The following RASSF6 variants were observed in gnomAD, a reference collection of about 807,000 sequenced individuals.
RASSF6 encodes the protein Ras association domain family member 6.
In RASSF6, 52 loss-of-function variants were observed where a neutral mutation model predicts 44.0. That is an observed-to-expected ratio of 1.18 (90% CI 0.95 to 1.49). RASSF6 has a LOEUF of 1.49. Among genes scored for constraint, RASSF6 ranks in the 40% most tolerant of loss-of-function variants. RASSF6 has a pLI of 0.00. For missense variants in RASSF6, 464 were observed against 393.3 expected, an observed-to-expected ratio of 1.18 and a Z score of -1.52; for synonymous variants, 162 against 124.6, an observed-to-expected ratio of 1.30 and a Z score of -2.00.
chr4:73,575,949 C>A lies in RASSF6; in HGVS notation c.*286G>T. The A allele has an allele frequency of 4.3e-6, 1 of 233,182 alleles. No homozygotes were observed. The allele number at this position is 233,182 out of a possible 1,614,324, so 14.4% of individuals were successfully genotyped here. The stretch of plus-strand genomic sequence containing the variant: ...GTTTAAACTGCTTATCTGAAGACAC[C>A]ATTTAAATTTGAGTTCATTACATGG... On this transcript the variant is annotated 3_prime_UTR_variant, in exon 11 of 11. Coordinates refer to ENST00000307439, the MANE Select transcript of RASSF6 (RefSeq NM_177532.5).
At chr4:73,600,335 T>C (rs1725198740) in intron 2 of RASSF6, among the ~76,000 whole-genome samples, 1 of 151,626 alleles carries the variant, frequency 6.6e-6, no homozygotes. Context: ...ATTCATTGCC[T>C]AAACAACAAT....
At chr4:73,593,800 AAAGT>A in intron 3 of RASSF6, among the ~76,000 whole-genome samples, 1 of 152,390 alleles carries the variant, frequency 6.6e-6, no homozygotes, top group South Asian at 2.1e-4. Flanking sequence ...TATACCCAGC[AAAGT>A]GAGTAAATCA....
Position 73,620,214 on chromosome 4 carries a change from T to G in RASSF6, c.-35+74A>C, listed in dbSNP as rs987083050. The G allele has an allele frequency of 6.6e-5, 65 of 988,074 alleles. 2 individuals carry two copies. Among genetic ancestry groups the G allele is most frequent in the Middle Eastern group, 3.2e-4 (1 of 3,114 alleles). The allele number at this position is 988,074 out of a possible 1,614,324, so 61.2% of individuals were successfully genotyped here. The stretch of plus-strand genomic sequence containing the variant: ...TAACTTTGTTGCCTATGGATTCTGC[T>G]TTCTAATAACTTGCCCTCAACATGA... On this transcript the variant is annotated intron_variant, in intron 1 of 10. Coordinates refer to ENST00000307439, the MANE Select transcript of RASSF6 (RefSeq NM_177532.5).
At chr4:73,589,691 C>T (rs1724377565) in intron 4 of RASSF6, among the ~76,000 whole-genome samples, 1 of 151,890 alleles carries the variant, frequency 6.6e-6, no homozygotes, top group Admixed American at 6.6e-5. Context: ...AGCTTCAGGG[C>T]AGTTATCCAG....
chr4:73,582,418 TTTG>T, intron 6 of RASSF6, 128 bp from the exon 7 acceptor site: 1 of 251,854 alleles, frequency 4.0e-6, no homozygotes, highest in Non-Finnish European at 7.1e-6. Context: ...TTGTTTTGTT[TTTG>T]TTTGTTTTTC....
chr4:73,576,859 A>T (rs1255958134), intron 8 of RASSF6, 128 bp from the exon 9 acceptor site: 3 of 640,658 alleles, frequency 4.7e-6, no homozygotes, highest in Non-Finnish European at 8.3e-6. Context: ...ACAGGAGGCA[A>T]TTACTCAAAA....
intron 2 of RASSF6, among the ~76,000 whole-genome samples, chr4:73,606,369 A>C (rs1174315168): frequency 6.6e-6 from 1 of 152,226 alleles, no homozygotes; most frequent in Non-Finnish European, 1.5e-5. Flanking sequence ...AACACCGGGT[A>C]CACATGGACA....
At chr4:73,582,718 T>C (rs940134036) in intron 6 of RASSF6, among the ~76,000 whole-genome samples, 3 of 151,978 alleles carry the variant, frequency 2.0e-5, no homozygotes, top group Non-Finnish European at 2.9e-5. Flanking sequence ...TCAGCAGATG[T>C]AGAGATGGGT....
At position 73,573,663 on chromosome 4, in the gene RASSF6, T is replaced by A. The variant is rs1723035927; in HGVS notation, c.*2572A>T. On this transcript the variant is annotated 3_prime_UTR_variant, in exon 11 of 11. Transcript: ENST00000307439. ...ACCAGAAGTTTGAGTCCCCATCTCA[T>A]GGTGATTTATTGAGTATTTAATGTT... 6.6e-6 allele frequency: 1 copy of A among 152,210 alleles called. No individual in the cohort carries two copies. The highest frequency in any genetic ancestry group is 2.1e-4 in the South Asian group (1 of 4,836). 9.4% of individuals were successfully genotyped at this position (152,210 alleles called of 1,614,324 possible). A position where few individuals can be genotyped will look rare whatever the true frequency, so the allele number is the denominator to read the frequency against.
intron 2 of RASSF6, among the ~76,000 whole-genome samples, chr4:73,602,017 A>G (rs1725308830): frequency 6.6e-6 from 1 of 152,208 alleles, no homozygotes. Flanking sequence ...TGAGAATTAA[A>G]CAGGAAAAGA....
chr4:73,585,315 T>C lies in RASSF6; in HGVS notation c.432A>G (p.Glu144=). 6.2e-7 allele frequency: 1 copy of C among 1,610,320 alleles called. No individual in the cohort carries two copies. Among genetic ancestry groups the C allele is most frequent in the Non-Finnish European group, 8.5e-7 (1 of 1,178,176 alleles). ...SNTLKPHAKD[E]PDSPVLYRTM... ...TTCTATAGAGCACTGGGGAGTCTGG[T>C]TCATCCTTTGCATGTGGCTTCAGGG... The change falls in exon 6 of 11, where the codon GAA becomes GAG. Residue 144 remains glutamate (E), a synonymous_variant. Coordinates refer to ENST00000307439, the MANE Select transcript of RASSF6 (RefSeq NM_177532.5).
chr4:73,594,938 T>C (rs1459860638), intron 3 of RASSF6, among the ~76,000 whole-genome samples: 2 of 152,228 alleles, frequency 1.3e-5, no homozygotes, highest in East Asian at 3.9e-4. Flanking sequence ...TTTAAAATGG[T>C]GTCTGGTACA....
At position 73,581,850 on chromosome 4, in the gene RASSF6, C is replaced by T. The variant is rs1004541335; in HGVS notation, c.688G>A (p.Asp230Asn). 2.0e-5 allele frequency: 32 copies of T among 1,609,878 alleles called. No homozygotes were observed. The highest frequency in any genetic ancestry group is 2.7e-5 in the Non-Finnish European group (32 of 1,176,880). Residue 230 changes from aspartate to asparagine, a missense_variant, in exon 8 of 11, where the codon GAT becomes AAT. Physicochemically the swap from Asp to Asn is conservative, Grantham distance 23 (BLOSUM62 1). Transcript: ENST00000307439. Reference sequence around the variant, plus strand: ...GCAAAAATAATGTGAAGAGCAAAATCCTGGGGACTATTTTCAATCTGTCAA... The same window carrying T: ...GCAAAAATAATGTGAAGAGCAAAATTCTGGGGACTATTTTCAATCTGTCAA... ...QKFKIENSPQ[D>N]FALHIIFATG...
chr4:73,585,283 C>T lies in RASSF6; in HGVS notation c.464G>A (p.Ser155Asn). ...CCTTTTTCTCACCAGAGCTGCTTCA[C>T]TCATGGTTCTATAGAGCACTGGGGA... ...PDSPVLYRTM[S>N]EAALVRKRMK... Residue 155 changes from serine (S) to asparagine (N), a missense_variant, in exon 6 of 11, where the codon AGT (serine) becomes AAT (asparagine). By Grantham distance (46) the Ser-to-Asn change is conservative. Coordinates refer to ENST00000307439, the MANE Select transcript of RASSF6 (RefSeq NM_177532.5). 1.9e-6 allele frequency: 3 copies of T among 1,612,826 alleles called. No homozygotes were observed. The highest frequency in any genetic ancestry group is 2.5e-6 in the Non-Finnish European group (3 of 1,179,144).
chr4:73,586,173 C>A (rs961675697), intron 5 of RASSF6, among the ~76,000 whole-genome samples: 2 of 151,504 alleles, frequency 1.3e-5, no homozygotes, highest in Non-Finnish European at 2.9e-5. Context: ...TTGGACTAGT[C>A]CTACTATTTG....
chr4:73,599,907 G>A (rs1725171806), intron 2 of RASSF6, among the ~76,000 whole-genome samples: 1 of 151,514 alleles, frequency 6.6e-6, no homozygotes, highest in Non-Finnish European at 1.5e-5. Flanking sequence ...CTCACTTCAT[G>A]CAACCACCAG....
intron 6 of RASSF6, 99 bp downstream of exon 6, chr4:73,585,081 A>G: frequency 1.3e-6 from 1 of 791,088 alleles, no homozygotes; most frequent in Admixed American, 2.7e-5. Flanking sequence ...TGCTACTGTT[A>G]TTATTATGAC....
rs1256145756 is a variant in RASSF6 at position 73,598,625 on chromosome 4, C to G, written c.144+15G>C. The G allele has an allele frequency of 9.7e-6, 14 of 1,437,884 alleles. No individual in the cohort carries two copies. The highest frequency in any genetic ancestry group is 1.3e-5 in the Non-Finnish European group (14 of 1,038,230). 89.1% of individuals were successfully genotyped at this position (1,437,884 alleles called of 1,614,324 possible). On this transcript the variant is annotated intron_variant, in intron 3 of 10. Transcript: ENST00000307439. ...GTGTGAATAACACCGGATTGCCTTT[C>G]TTCAGTGGGCTTACCTCTCCATATA...
At chr4:73,619,066 C>T (rs192283503) in intron 1 of RASSF6, among the ~76,000 whole-genome samples, 1 of 152,148 alleles carries the variant, frequency 6.6e-6, no homozygotes, top group Non-Finnish European at 1.5e-5. Context: ...TCAATACAAA[C>T]AATTCAATAT....
Sources: allele counts gnomAD v4.1 joint callset (sites outside exome capture counted in the v4.1 genomes callset), GRCh38; gene constraint gnomAD v4.1.1; transcripts MANE v1.5; gene names NCBI Gene and HGNC (gene_info 2026-07-23, HGNC 2026-07-21).